Variants in TRPM6 observed in about 807,000 individuals in gnomAD.
TRPM6 encodes the protein transient receptor potential cation channel subfamily M member 6.
In TRPM6, 111 loss-of-function variants were observed where a neutral mutation model predicts 247.6. The ratio of observed to expected loss-of-function variants is 0.45; its 90% confidence interval spans 0.38 to 0.52. The LOEUF is 0.52. TRPM6 is among the 20% of genes least tolerant of loss of function. The pLI, the probability that TRPM6 is intolerant of heterozygous loss-of-function variation, is 0.00. For synonymous variants in TRPM6, 892 were observed against 853.8 expected (o/e 1.04, Z -0.78); for missense variants, 2,126 against 2,421.5 (o/e 0.88, Z 2.56).
intron 19 of TRPM6, among the ~76,000 whole-genome samples, chr9:74,789,447 T>C (rs1827816091): frequency 6.6e-6 from 1 of 152,250 alleles, no homozygotes; most frequent in African/African-American, 2.4e-5. Flanking sequence ...TAGTGATTAA[T>C]AGCTTTGTAA....
At chr9:74,844,786 G>A (rs965033002) in intron 3 of TRPM6, among the ~76,000 whole-genome samples, 4 of 152,190 alleles carry the variant, frequency 2.6e-5, no homozygotes, top group African/African-American at 9.7e-5. Context: ...TGGCACAAGA[G>A]GCCTAGCTTT....
At chr9:74,831,384 G>C (rs1231836950) in intron 6 of TRPM6, among the ~76,000 whole-genome samples, 1 of 152,118 alleles carries the variant, frequency 6.6e-6, no homozygotes. Context: ...CAGCTACTTG[G>C]GAGGCTGAGG....
chr9:74,873,065 G>A (rs955709146), intron 1 of TRPM6, among the ~76,000 whole-genome samples: 1 of 152,112 alleles, frequency 6.6e-6, no homozygotes, highest in Admixed American at 6.6e-5. Context: ...GGGTGCTCCA[G>A]CTCCTACCTG....
chr9:74,802,081 T>C lies in TRPM6; in HGVS notation c.1826A>G (p.Asn609Ser). The C allele has an allele frequency of 6.2e-7, 1 of 1,614,128 alleles. No homozygotes were observed. Among genetic ancestry groups the C allele is most frequent in the Non-Finnish European group, 8.5e-7 (1 of 1,180,022 alleles). ...CAGCACAGCCCAAACCAGCAGGTCA[T>C]TGTAAGGGTAAAGAAAGCCAGTAGA... ...PESTGFLYPYNDLLVWAVLMK... is the reference protein window; with the variant it reads ...PESTGFLYPYSDLLVWAVLMK... Residue 609 changes from asparagine to serine, a missense_variant, in exon 16 of 39, where the codon AAT becomes AGT. By Grantham distance (46) the Asn-to-Ser change is conservative (BLOSUM62 1). This residue lies in a region of TRPM6 where 1,082 missense variants were observed against 1,307.9 expected (regional missense o/e 0.83). Transcript: ENST00000360774.
In TRPM6 at chr9:74,808,027, A is replaced by C; in HGVS notation, c.1638+7T>G. ...AATTTTACTTGGGCACTTTTCAATT[A>C]CTCTACCTTGTATTTTCTGTAGAGG... On this transcript the variant is annotated splice_region_variant and intron_variant, in intron 14 of 38. Coordinates refer to ENST00000360774, the MANE Select transcript of TRPM6 (RefSeq NM_017662.5). The C allele has an allele frequency of 6.2e-7, 1 of 1,613,604 alleles. No homozygotes were observed. The highest frequency in any genetic ancestry group is 8.5e-7 in the Non-Finnish European group (1 of 1,179,758).
intron 25 of TRPM6, among the ~76,000 whole-genome samples, chr9:74,769,171 A>G (rs1283300774): frequency 6.6e-6 from 1 of 152,170 alleles, no homozygotes; most frequent in Non-Finnish European, 1.5e-5. Flanking sequence ...CTTGAGACAC[A>G]GTCTCATTCT....
chr9:74,772,322 C>G (rs1224145460), intron 24 of TRPM6, among the ~76,000 whole-genome samples: 1 of 152,148 alleles, frequency 6.6e-6, no homozygotes, highest in Admixed American at 6.5e-5. Flanking sequence ...CAGCCTGGGT[C>G]TCTCCTACTC....
chr9:74,870,571 A>G (rs60682989), intron 1 of TRPM6, among the ~76,000 whole-genome samples: 2,607 of 152,304 alleles, frequency 0.017, 84 homozygotes, highest in African/African-American at 0.06. Flanking sequence ...AGGAATTGTT[A>G]ATTTCCAGCT....
intron 1 of TRPM6, among the ~76,000 whole-genome samples, chr9:74,866,201 C>T (rs1830839434): frequency 6.6e-6 from 1 of 152,156 alleles, no homozygotes; most frequent in Non-Finnish European, 1.5e-5. Flanking sequence ...TTATTTATGA[C>T]ATTCATAGTA....
At chr9:74,814,607 A>G (rs1307892497) in intron 11 of TRPM6, among the ~76,000 whole-genome samples, 1 of 152,196 alleles carries the variant, frequency 6.6e-6, no homozygotes, top group Non-Finnish European at 1.5e-5. Context: ...AAAACTAAAA[A>G]AAGAAGAAAT....
chr9:74,830,749 G>GTTTTTTTTTTTTTT (rs71368685), intron 6 of TRPM6, among the ~76,000 whole-genome samples: 1 of 87,262 alleles, frequency 1.1e-5, no homozygotes, highest in African/African-American at 5.1e-5. Flanking sequence ...GCTAATTTTT[G>GTTTTTTTTTTTTTT]TTTTTTTTTT....
At chr9:74,777,582 T>C (rs1827268046) in intron 23 of TRPM6, among the ~76,000 whole-genome samples, 1 of 152,202 alleles carries the variant, frequency 6.6e-6, no homozygotes, top group African/African-American at 2.4e-5. Flanking sequence ...CAAATCAATG[T>C]TTCTACCACA....
intron 3 of TRPM6, 138 bp downstream of exon 3, chr9:74,855,389 T>C: frequency 1.4e-6 from 1 of 724,952 alleles, no homozygotes; most frequent in Non-Finnish European, 2.5e-6. Context: ...ATCAAAAACA[T>C]CTTTTTAAAA....
intron 18 of TRPM6, among the ~76,000 whole-genome samples, chr9:74,793,433 C>T (rs1827975844): frequency 1.3e-5 from 2 of 151,984 alleles, no homozygotes; most frequent in Non-Finnish European, 2.9e-5. Context: ...CTGCAACCAA[C>T]CTCCGCCTCC....
At chr9:74,790,006 ATGTGTGTGTGTG>A (rs71912381) in intron 19 of TRPM6, among the ~76,000 whole-genome samples, 2 of 132,816 alleles carry the variant, frequency 1.5e-5, no homozygotes, top group Admixed American at 8.5e-5. Context: ...TGAGAGAAAA[ATGTGTGTGTGTG>A]TGTGTGTGTG....
chr9:74,858,064 A>G (rs1830581721), intron 2 of TRPM6, among the ~76,000 whole-genome samples: 1 of 152,242 alleles, frequency 6.6e-6, no homozygotes, highest in African/African-American at 2.4e-5. Flanking sequence ...TGACGGCATT[A>G]AGAATAACTT....
chr9:74,820,213 C>T, intron 9 of TRPM6, 91 bp downstream of exon 9: 2 of 1,446,506 alleles, frequency 1.4e-6, no homozygotes, highest in Non-Finnish European at 9.6e-7. Context: ...CTGTGTCCAC[C>T]ATGTTTTTTT....
intron 3 of TRPM6, among the ~76,000 whole-genome samples, chr9:74,846,294 CTTT>C (rs930840285): frequency 8.6e-5 from 13 of 152,038 alleles, no homozygotes; most frequent in Non-Finnish European, 1.9e-4. Flanking sequence ...TTGTTTGCTT[CTTT>C]TTTTTCCCTA....
chr9:74,761,647 A>T (rs780295871), intron 27 of TRPM6, 49 bp downstream of exon 27: 1 of 1,133,422 alleles, frequency 8.8e-7, no homozygotes, highest in Non-Finnish European at 1.3e-6. Context: ...AAGATAGGCC[A>T]CTACCTTGAC....
Sources: allele counts gnomAD v4.1 joint callset (sites outside exome capture counted in the v4.1 genomes callset), GRCh38; gene constraint gnomAD v4.1.1; regional missense constraint gnomAD v4.1.1; transcripts MANE v1.5; gene names NCBI Gene and HGNC (gene_info 2026-07-23, HGNC 2026-07-21).